Variants in WDR44 observed in about 807,000 individuals in gnomAD.
The protein encoded by WDR44 is WD repeat domain 44, also known as WD repeat-containing protein 44.
WDR44 carries 9 observed loss-of-function variants against 65.7 expected under a neutral mutation model. The ratio of observed to expected loss-of-function variants is 0.14; its 90% CI spans 0.08 to 0.24. The LOEUF (loss-of-function observed/expected upper bound fraction) is 0.24, where lower values mean the gene tolerates loss of function less well. Ranked by LOEUF, WDR44 falls within the 10% of genes least tolerant of loss-of-function variation. WDR44 has a pLI of 1.00. For missense variants in WDR44, 425 were observed against 670.9 expected (o/e 0.63, Z 4.05); for synonymous variants, 220 against 235.2 (o/e 0.94, Z 0.59).
intron 18 of WDR44, 92 bp from the exon 19 acceptor site, chrX:118,444,264 TGTTA>T (rs2057326968): frequency 2.0e-6 from 2 of 986,608 alleles, no homozygotes; most frequent in Admixed American, 5.9e-5. Context: ...GTTACTTCTA[TGTTA>T]GTTTTTAAGG....
chrX:118,437,450 CTG>C (rs2057263364), intron 14 of WDR44, among the ~76,000 whole-genome samples: 1 of 111,656 alleles, frequency 9.0e-6, no homozygotes, highest in African/African-American at 3.3e-5. Flanking sequence ...ATTTTTGCAA[CTG>C]TAAGCAAAAG....
intron 1 of WDR44, among the ~76,000 whole-genome samples, chrX:118,358,487 G>A (rs975362485): frequency 1.8e-5 from 2 of 111,737 alleles, no homozygotes; most frequent in Admixed American, 1.9e-4. Context: ...CGGATCACTT[G>A]AAGCCAGGAG....
At chrX:118,368,901 T>C (rs2056581410) in intron 1 of WDR44, among the ~76,000 whole-genome samples, 1 of 106,273 alleles carries the variant, frequency 9.4e-6, no homozygotes, top group Non-Finnish European at 1.9e-5. Flanking sequence ...TTTCTTTTTG[T>C]ATTTTTAGTA....
intron 6 of WDR44, among the ~76,000 whole-genome samples, chrX:118,396,249 A>T (rs769469529): frequency 1.3e-4 from 14 of 111,562 alleles, no homozygotes; most frequent in African/African-American, 3.6e-4. Flanking sequence ...CAGTTTGGCA[A>T]TTCCTCAAAA....
At chrX:118,393,367 G>A (rs2056837074) in intron 4 of WDR44, 96 bp downstream of exon 4, 2 of 971,250 alleles carry the variant, frequency 2.1e-6, no homozygotes, top group South Asian at 2.3e-5. Context: ...CGGATCGCTT[G>A]AGCTCAGTTC....
At chrX:118,416,883 T>A (rs1161926818) in intron 12 of WDR44, among the ~76,000 whole-genome samples, 1 of 111,722 alleles carries the variant, frequency 9.0e-6, no homozygotes, top group African/African-American at 3.3e-5. Context: ...CTTAGGTGCA[T>A]AAATGTTTAG....
chrX:118,377,954 T>G (rs2056677165), intron 1 of WDR44, among the ~76,000 whole-genome samples: 1 of 108,309 alleles, frequency 9.2e-6, no homozygotes, highest in South Asian at 4.0e-4. Context: ...TCTTCTCCAC[T>G]TTTTTTTTCT....
In WDR44 at chrX:118,387,373, G is replaced by A; in HGVS notation, c.145G>A (p.Glu49Lys). 2.5e-6 allele frequency: 3 copies of A among 1,201,830 alleles called. No homozygotes were observed. Among genetic ancestry groups the A allele is most frequent in the Non-Finnish European group, 3.4e-6 (3 of 890,800 alleles). ...TENTAYKVGNESPVQELKQDV... is the reference protein window; with the variant it reads ...TENTAYKVGNKSPVQELKQDV... ...GAACACTGCATACAAAGTTGGAAATGAGTCCCCTGTACAAGAATTGAAACA... is the reference window on the plus strand; with the variant it reads ...GAACACTGCATACAAAGTTGGAAATAAGTCCCCTGTACAAGAATTGAAACA... Residue 49 changes from glutamate to lysine, a missense_variant, in exon 3 of 20, where the codon GAG becomes AAG. Coordinates refer to ENST00000254029, the MANE Select transcript of WDR44 (RefSeq NM_019045.5).
chrX:118,441,644 G>A, intron 15 of WDR44, 85 bp downstream of exon 15: 1 of 762,092 alleles, frequency 1.3e-6, no homozygotes, highest in Non-Finnish European at 1.9e-6. Flanking sequence ...ATCCCCTCTG[G>A]GCTTTAACTG....
intron 1 of WDR44, among the ~76,000 whole-genome samples, chrX:118,370,732 G>A (rs1011219549): frequency 1.0e-4 from 11 of 109,817 alleles, no homozygotes; most frequent in Admixed American, 5.9e-4. Context: ...TTACAGGCAC[G>A]CAGCAGCACA....
At chrX:118,406,427 T>A (rs1001879522) in intron 9 of WDR44, among the ~76,000 whole-genome samples, 1 of 111,758 alleles carries the variant, frequency 8.9e-6, no homozygotes, top group African/African-American at 3.3e-5. Context: ...TAAATTTTTT[T>A]AATTAGGTAA....
intron 11 of WDR44, 107 bp from the exon 12 acceptor site, chrX:118,410,788 T>G (rs1055822714): frequency 3.2e-6 from 2 of 632,445 alleles, no homozygotes; most frequent in Admixed American, 7.5e-5. Flanking sequence ...GAATACTGTA[T>G]TCTCTAACTA....
chrX:118,405,788 A>G (rs1569372159), intron 9 of WDR44, among the ~76,000 whole-genome samples: 1 of 111,985 alleles, frequency 8.9e-6, no homozygotes, highest in Admixed American at 9.5e-5. Flanking sequence ...AAATAATATA[A>G]CAACTATTTA....
intron 6 of WDR44, among the ~76,000 whole-genome samples, 195 bp downstream of exon 6, chrX:118,395,539 AT>A (rs1335415128): frequency 1.4e-4 from 15 of 111,047 alleles, no homozygotes; most frequent in Admixed American, 9.6e-4. Context: ...CCACAATTTA[AT>A]TTTTTTTAAG....
intron 1 of WDR44, among the ~76,000 whole-genome samples, chrX:118,349,953 A>AT (rs11300990): frequency 0.071 from 7,092 of 99,446 alleles, 458 homozygotes; most frequent in East Asian, 0.25. Context: ...CTAGTCCAGT[A>AT]TTTTTTTTTT....
At chrX:118,441,868 G>A (rs1602979697) in intron 15 of WDR44, among the ~76,000 whole-genome samples, 2 of 111,676 alleles carry the variant, frequency 1.8e-5, no homozygotes, top group Non-Finnish European at 3.8e-5. Flanking sequence ...AGCCTCCTGA[G>A]TAGCTGGGAC....
At chrX:118,433,929 C>A (rs2057232227) in intron 13 of WDR44, among the ~76,000 whole-genome samples, 2 of 83,786 alleles carry the variant, frequency 2.4e-5, no homozygotes, top group African/African-American at 1.5e-4. Flanking sequence ...GTTGATGTTT[C>A]CTTATCAAGG....
At chrX:118,373,360 G>T (rs1005193763) in intron 1 of WDR44, among the ~76,000 whole-genome samples, 10 of 111,463 alleles carry the variant, frequency 9.0e-5, no homozygotes, top group African/African-American at 3.3e-4. Flanking sequence ...ACCTACTCAT[G>T]TACTTATTTA....
chrX:118,430,094 G>T (rs1399881929), intron 12 of WDR44, among the ~76,000 whole-genome samples: 1 of 111,376 alleles, frequency 9.0e-6, no homozygotes, highest in Non-Finnish European at 1.9e-5. Flanking sequence ...AGGAAGATTG[G>T]TAAATTTCAT....
Sources: allele counts gnomAD v4.1 joint callset (sites outside exome capture counted in the v4.1 genomes callset), GRCh38; gene constraint gnomAD v4.1.1; transcripts MANE v1.5; gene names NCBI Gene and HGNC (gene_info 2026-07-23, HGNC 2026-07-21).